The following ANXA8 variants were observed in gnomAD, a reference collection of about 807,000 sequenced individuals.
The protein encoded by ANXA8 is VAC-beta.
ANXA8 carries 9 observed loss-of-function variants against 26.8 expected under a neutral mutation model. The ratio of observed to expected loss-of-function variants is 0.34; its 90% CI spans 0.20 to 0.59. The LOEUF (loss-of-function observed/expected upper bound fraction) is 0.59, where lower values mean the gene tolerates loss of function less well. ANXA8 is among the 20% of genes least tolerant of loss of function. ANXA8 has a pLI of 0.84. For synonymous variants in ANXA8, 39 were observed against 94.8 expected (o/e 0.41, Z 3.42); for missense variants, 83 against 238.5 (o/e 0.35, Z 4.29).
the ANXA8 span, among the ~76,000 whole-genome samples, chr10:47,674,458 G>A: frequency 7.3e-5 from 11 of 151,600 alleles, 1 homozygote; most frequent in Admixed American, 2.0e-4. Context: ...ATCATATTAA[G>A]GGGATATACT....
chr10:47,650,756 G>A, the ANXA8 span, among the ~76,000 whole-genome samples: 48 of 147,494 alleles, frequency 3.3e-4, no homozygotes, highest in East Asian at 9.0e-3. Flanking sequence ...GCAGTGAGTG[G>A]AGATCGCACC....
At chr10:47,492,396 T>A in the ANXA8 span, among the ~76,000 whole-genome samples, 8 of 146,766 alleles carry the variant, frequency 5.5e-5, no homozygotes, top group East Asian at 2.0e-3. Context: ...CCTGGAGGAG[T>A]AGACAGAGGC....
At chr10:47,485,657 T>C (rs1223497645), upstream of ANXA8, among the ~76,000 whole-genome samples, 2 of 151,982 alleles carry the variant, frequency 1.3e-5, no homozygotes, top group Non-Finnish European at 2.9e-5. Context: ...TTTTACAAAT[T>C]ACTTCTCTTT....
At chr10:47,951,591 C>T in the ANXA8 span, among the ~76,000 whole-genome samples, 14 of 150,662 alleles carry the variant, frequency 9.3e-5, no homozygotes, top group African/African-American at 1.5e-4. Flanking sequence ...GGGTGGATCA[C>T]TTGAGGCCAG....
the ANXA8 span, among the ~76,000 whole-genome samples, chr10:47,694,475 C>T: frequency 7.1e-6 from 1 of 140,886 alleles, no homozygotes; most frequent in African/African-American, 2.7e-5. Flanking sequence ...GGCTGGAGTG[C>T]AGTGGCGTGA....
the ANXA8 span, among the ~76,000 whole-genome samples, chr10:47,969,070 C>A: frequency 6.7e-6 from 1 of 149,146 alleles, no homozygotes; most frequent in South Asian, 2.2e-4. Flanking sequence ...CCTCCAGGCC[C>A]CTGACACGTG....
the ANXA8 span, among the ~76,000 whole-genome samples, chr10:47,654,042 C>T: frequency 6.6e-6 from 1 of 151,812 alleles, no homozygotes. Context: ...CCAAATTTCA[C>T]ATGTACAGGT....
the ANXA8 span, among the ~76,000 whole-genome samples, chr10:47,510,929 T>C: frequency 3.0e-5 from 4 of 133,164 alleles, no homozygotes; most frequent in African/African-American, 1.1e-4. Context: ...AATTAATTAA[T>C]TAATTAATTT....
chr10:47,769,824 A>G, the ANXA8 span, among the ~76,000 whole-genome samples: 1 of 152,292 alleles, frequency 6.6e-6, no homozygotes, highest in Admixed American at 6.5e-5. Flanking sequence ...TGGGTGCATT[A>G]GACTGTTTAT....
the ANXA8 span, among the ~76,000 whole-genome samples, chr10:47,528,104 G>T: frequency 7.3e-6 from 1 of 136,224 alleles, no homozygotes. Context: ...TTTTGAGATG[G>T]AGTCTTGCTC....
the ANXA8 span, among the ~76,000 whole-genome samples, chr10:47,648,047 T>C: frequency 4.0e-5 from 6 of 151,892 alleles, 1 homozygote; most frequent in African/African-American, 9.7e-5. Flanking sequence ...GGGAGAGATA[T>C]GTTCCAACTG....
the ANXA8 span, among the ~76,000 whole-genome samples, chr10:47,904,276 C>T: frequency 2.1e-5 from 3 of 142,122 alleles, no homozygotes; most frequent in Non-Finnish European, 4.5e-5. Context: ...ATCTGCCTGC[C>T]TTGGCTTCCC....
At chr10:47,556,420 C>T in the ANXA8 span, among the ~76,000 whole-genome samples, 5 of 151,924 alleles carry the variant, frequency 3.3e-5, no homozygotes, top group African/African-American at 1.2e-4. Context: ...TTTATATTCG[C>T]CATTTTAACT....
chr10:47,743,021 A>C, the ANXA8 span, among the ~76,000 whole-genome samples: 2 of 142,366 alleles, frequency 1.4e-5, no homozygotes, highest in African/African-American at 2.6e-5. Context: ...AATACAAAAA[A>C]TTAGCCGGGC....
chr10:47,617,928 A>T, the ANXA8 span, among the ~76,000 whole-genome samples: 5 of 129,614 alleles, frequency 3.9e-5, 1 homozygote, highest in South Asian at 9.2e-4. Flanking sequence ...ATAAAACCTG[A>T]TCTATTTTTA....
At chr10:47,486,836 G>A (rs1466649007), upstream of ANXA8, among the ~76,000 whole-genome samples, 1 of 140,448 alleles carries the variant, frequency 7.1e-6, no homozygotes, top group Non-Finnish European at 1.6e-5. Context: ...AGCCAGAGAT[G>A]GTGGCCTGCG....
At chr10:47,558,696 T>C in the ANXA8 span, among the ~76,000 whole-genome samples, 1 of 151,782 alleles carries the variant, frequency 6.6e-6, no homozygotes, top group Non-Finnish European at 1.5e-5. Flanking sequence ...CTCTAAGACT[T>C]TGGGATACAA....
the ANXA8 span, chr10:47,553,315 A>AC: frequency 1.3e-5 from 2 of 151,206 alleles, no homozygotes; most frequent in African/African-American, 4.9e-5. Context: ...TCTCCCAACG[A>AC]CCCCCGGGCA....
the ANXA8 span, chr10:47,986,685 G>A: frequency 2.2e-5 from 8 of 359,696 alleles, no homozygotes; most frequent in Non-Finnish European, 3.8e-5. Context: ...AACACAACGC[G>A]TCACTCCGGC....
Sources: allele counts gnomAD v4.1 joint callset (sites outside exome capture counted in the v4.1 genomes callset), GRCh38; gene constraint gnomAD v4.1.1; transcripts MANE v1.5; gene names NCBI Gene and HGNC (gene_info 2026-07-23, HGNC 2026-07-21).